Variants in PTER observed in about 807,000 individuals in gnomAD.
PTER encodes the protein N-acetyltaurine hydrolase.
In PTER, 38 loss-of-function variants were observed where a neutral mutation model predicts 29.6. That is an observed-to-expected ratio of 1.28 (90% CI 0.99 to 1.68). PTER has a LOEUF of 1.68. PTER is among the 40% of genes most tolerant of loss of function. The pLI, the probability that PTER is intolerant of heterozygous loss-of-function variation, is 0.00. For synonymous variants in PTER, 172 were observed against 154.5 expected (o/e 1.11, Z -0.84); for missense variants, 482 against 427.8 (o/e 1.13, Z -1.12).
At chr10:16,499,424 ATTATT>A (rs1836244740) in intron 3 of PTER, among the ~76,000 whole-genome samples, 1 of 149,422 alleles carries the variant, frequency 6.7e-6, no homozygotes, top group Admixed American at 6.6e-5. Flanking sequence ...TTTTAATTTA[ATTATT>A]TTATTTATTT....
chr10:16,484,509 C>G lies in PTER; in HGVS notation c.125C>G (p.Pro42Arg), dbSNP rs141767754. ...TFDCCYCPPP[P>R]CQEAISKEPI... ...GACTGCTGTTACTGTCCACCTCCCC[C>G]GTGCCAGGAAGCTATTTCCAAAGAA... The change falls in exon 2 of 5, where the codon CCG (proline) becomes CGG (arginine). Residue 42 changes from proline to arginine, a missense_variant. Coordinates refer to ENST00000535784, the MANE Select transcript of PTER (RefSeq NM_001261836.2). 6.2e-6 allele frequency: 10 copies of G among 1,613,884 alleles called. No homozygotes were observed. The South Asian group carries it at 9.9e-5, about 16-fold the overall frequency.
chr10:16,495,279 T>A (rs1255738511), intron 3 of PTER, among the ~76,000 whole-genome samples: 1 of 151,932 alleles, frequency 6.6e-6, no homozygotes, highest in Non-Finnish European at 1.5e-5. Flanking sequence ...CAAGCGATTC[T>A]TGTGCCTCAG....
At chr10:16,459,754 A>AC (rs1834540326) in intron 1 of PTER, among the ~76,000 whole-genome samples, 1 of 151,504 alleles carries the variant, frequency 6.6e-6, no homozygotes, top group African/African-American at 2.4e-5. Context: ...TTATTTATTT[A>AC]TTTACTTATT....
intron 1 of PTER, among the ~76,000 whole-genome samples, chr10:16,453,865 T>C (rs881769): frequency 0.63 from 95,270 of 152,042 alleles, 31,018 homozygotes; most frequent in East Asian, 0.8. Flanking sequence ...TGTAACATCT[T>C]TCCACATAGA....
chr10:16,440,884 A>T (rs1480237113), intron 1 of PTER, among the ~76,000 whole-genome samples: 1 of 152,194 alleles, frequency 6.6e-6, no homozygotes, highest in East Asian at 1.9e-4. Context: ...CTGCGTAATG[A>T]ATATTATCAG....
intron 1 of PTER, among the ~76,000 whole-genome samples, chr10:16,445,631 G>C (rs1833989072): frequency 1.3e-5 from 2 of 152,106 alleles, no homozygotes; most frequent in Non-Finnish European, 2.9e-5. Flanking sequence ...TTTGATTTCA[G>C]AGCCTATTAG....
At chr10:16,503,392 A>G (rs1235333973) in intron 3 of PTER, among the ~76,000 whole-genome samples, 1 of 151,178 alleles carries the variant, frequency 6.6e-6, no homozygotes, top group East Asian at 2.0e-4. Context: ...ACCCCCAGCT[A>G]ATTTTTGTTT....
chr10:16,501,363 A>ACACG, intron 3 of PTER, among the ~76,000 whole-genome samples: 1 of 79,346 alleles, frequency 1.3e-5, no homozygotes, highest in Non-Finnish European at 2.5e-5. Context: ...ACACACACAC[A>ACACG]CACACATGCA....
intron 4 of PTER, among the ~76,000 whole-genome samples, chr10:16,507,248 T>G (rs1025838064): frequency 6.7e-6 from 1 of 149,792 alleles, no homozygotes; most frequent in African/African-American, 2.5e-5. Context: ...TGTATGTGTA[T>G]GTGTATATAT....
chr10:16,518,130 G>C (rs1836982551), downstream of PTER, among the ~76,000 whole-genome samples: 1 of 152,148 alleles, frequency 6.6e-6, no homozygotes, highest in Admixed American at 6.5e-5. Flanking sequence ...TCTAAGAAGT[G>C]ATCAGACCAG....
At chr10:16,470,534 G>A (rs934268311) in intron 1 of PTER, among the ~76,000 whole-genome samples, 5 of 152,332 alleles carry the variant, frequency 3.3e-5, no homozygotes, top group Middle Eastern at 3.4e-3. Flanking sequence ...TTGGGAGATC[G>A]AGGCAGGCAG....
chr10:16,495,476 T>A (rs1344160894), intron 3 of PTER, among the ~76,000 whole-genome samples: 1 of 152,188 alleles, frequency 6.6e-6, no homozygotes, highest in African/African-American at 2.4e-5. Flanking sequence ...AACCTTCAAT[T>A]ACTTTTTTGG....
At chr10:16,503,912 A>G (rs780398743) in intron 3 of PTER, among the ~76,000 whole-genome samples, 1 of 152,146 alleles carries the variant, frequency 6.6e-6, no homozygotes, top group Non-Finnish European at 1.5e-5. Context: ...CCAATAAGAC[A>G]ATGACTGTCT....
At chr10:16,454,663 A>G (rs1327650757) in intron 1 of PTER, among the ~76,000 whole-genome samples, 1 of 142,902 alleles carries the variant, frequency 7.0e-6, no homozygotes, top group Non-Finnish European at 1.5e-5. Flanking sequence ...AGAGAGAAAA[A>G]CATATTTTTC....
At chr10:16,505,231 A>T in intron 4 of PTER, 71 bp downstream of exon 4, 4 of 1,543,654 alleles carry the variant, frequency 2.6e-6, no homozygotes, top group Non-Finnish European at 3.5e-6. Context: ...CTAGGGAAGT[A>T]TTAGCAAAGA....
intron 1 of PTER, among the ~76,000 whole-genome samples, chr10:16,453,121 GC>G (rs1292592772): frequency 1.3e-5 from 2 of 152,190 alleles, no homozygotes; most frequent in Admixed American, 6.5e-5. Flanking sequence ...TCACTGTGTT[GC>G]CCAGGCTGAT....
At chr10:16,508,036 A>G (rs949533019) in intron 4 of PTER, among the ~76,000 whole-genome samples, 35 of 150,468 alleles carry the variant, frequency 2.3e-4, no homozygotes, top group Non-Finnish European at 2.2e-4. Context: ...TGCCCTCAAC[A>G]TATGTTTTAT....
At chr10:16,465,962 C>A (rs905413183) in intron 1 of PTER, among the ~76,000 whole-genome samples, 1 of 152,128 alleles carries the variant, frequency 6.6e-6, no homozygotes, top group African/African-American at 2.4e-5. Context: ...AAAACTGTCG[C>A]CATGCTCTAA....
rs114790811 is a variant in PTER, at chr10:16,469,798, G to A, written c.-48-14539G>A. The stretch of plus-strand genomic sequence containing the variant: ...TCACTTTGTTGCCCAAGCTGATTGC[G>A]AACTCCTGGGCTCAAGCAGTCCTCC... On this transcript the variant is annotated intron_variant, in intron 1 of 4. Coordinates refer to ENST00000535784, the MANE Select transcript of PTER (RefSeq NM_001261836.2). Among the ~76,000 whole-genome samples the A allele has an allele frequency of 5.0e-3, 761 of 151,990 alleles. 8 individuals are homozygous for A. The highest frequency in any genetic ancestry group is 0.017 in the African/African-American group (695 of 41,454).
Sources: allele counts gnomAD v4.1 joint callset (sites outside exome capture counted in the v4.1 genomes callset), GRCh38; gene constraint gnomAD v4.1.1; transcripts MANE v1.5; gene names NCBI Gene and HGNC (gene_info 2026-07-23, HGNC 2026-07-21).